The following MALRD1 variants were observed in gnomAD, a reference collection of about 807,000 sequenced individuals.
MALRD1 encodes the protein MAM and LDL receptor class A domain containing 1, also known as MAM and LDL-receptor class A domain-containing protein 1.
Under a neutral mutation model 242.1 loss-of-function variants are expected in MALRD1, and 247 were observed. The ratio of observed to expected loss-of-function variants is 1.02; its 90% CI spans 0.92 to 1.13. The LOEUF (loss-of-function observed/expected upper bound fraction) is 1.13, where lower values mean the gene tolerates loss of function less well. Among genes scored for constraint, MALRD1 ranks in the 50% most tolerant of loss-of-function variants. The pLI is 0.00. For synonymous variants in MALRD1, 995 were observed against 866.6 expected, an observed-to-expected ratio of 1.15 and a Z score of -2.60; for missense variants, 2,989 against 2,533.1, an observed-to-expected ratio of 1.18 and a Z score of -3.86.
intron 18 of MALRD1, among the ~76,000 whole-genome samples, chr10:19,250,393 A>G (rs1401659371): frequency 1.3e-5 from 2 of 151,970 alleles, no homozygotes; most frequent in East Asian, 3.9e-4. Flanking sequence ...AAAAACTGGG[A>G]ATAATTTCTC....
intron 5 of MALRD1, among the ~76,000 whole-genome samples, chr10:19,115,432 T>G (rs1836837851): frequency 6.6e-6 from 1 of 152,036 alleles, no homozygotes; most frequent in Admixed American, 6.6e-5. Context: ...TAAAAGCTTT[T>G]TTTTTTAAAA....
chr10:19,133,381 C>G (rs892602155), intron 8 of MALRD1, among the ~76,000 whole-genome samples: 25 of 152,032 alleles, frequency 1.6e-4, no homozygotes, highest in African/African-American at 6.0e-4. Flanking sequence ...CCAAATGTTT[C>G]CACAGGAAAA....
At chr10:19,203,246 TA>T (rs1213676160) in intron 14 of MALRD1, among the ~76,000 whole-genome samples, 1 of 152,202 alleles carries the variant, frequency 6.6e-6, no homozygotes, top group Admixed American at 6.5e-5. Flanking sequence ...TGTGAAATAT[TA>T]AGCTCTATGA....
rs1409584569 is a variant in MALRD1, at chr10:19,700,018, T to TTA, written c.6314+7465_6314+7466dup. Among the ~76,000 whole-genome samples the TTA allele has an allele frequency of 2.4e-3, 283 of 120,026 alleles. 3 individuals carry two copies. Among genetic ancestry groups the TTA allele is most frequent in the African/African-American group, 9.8e-3 (272 of 27,836 alleles). 78.7% of individuals were successfully genotyped at this position (120,026 alleles called of 152,430 possible). On this transcript the variant is annotated intron_variant, in intron 38 of 39. Coordinates refer to ENST00000454679, the MANE Select transcript of MALRD1 (RefSeq NM_001142308.3). ...TAGAAGGGTCCCAAGTGAAATTGAT[T>TTA]TAGACACACACACACACACACACAC...
At chr10:19,236,557 T>G (rs1838325015) in intron 18 of MALRD1, among the ~76,000 whole-genome samples, 1 of 152,176 alleles carries the variant, frequency 6.6e-6, no homozygotes, top group Non-Finnish European at 1.5e-5. Flanking sequence ...CTCATTCCTC[T>G]GCCTCTCACT....
At chr10:19,188,958 C>A (rs948676016) in intron 14 of MALRD1, among the ~76,000 whole-genome samples, 1 of 151,572 alleles carries the variant, frequency 6.6e-6, no homozygotes, top group Admixed American at 6.6e-5. Context: ...GATAATAAAG[C>A]AAATCAAAGA....
intron 12 of MALRD1, among the ~76,000 whole-genome samples, chr10:19,159,148 G>T (rs1834290265): frequency 6.6e-6 from 1 of 152,114 alleles, no homozygotes; most frequent in South Asian, 2.1e-4. Flanking sequence ...GCATAAGCTT[G>T]TTCAGGAAAA....
intron 19 of MALRD1, among the ~76,000 whole-genome samples, chr10:19,279,665 G>A (rs1225017434): frequency 6.6e-6 from 1 of 152,182 alleles, no homozygotes; most frequent in African/African-American, 2.4e-5. Flanking sequence ...AGCAGTGGAA[G>A]AACAAAGGTT....
At chr10:19,454,051 C>T (rs1490353124) in intron 29 of MALRD1, among the ~76,000 whole-genome samples, 3 of 151,988 alleles carry the variant, frequency 2.0e-5, no homozygotes, top group Admixed American at 6.6e-5. Context: ...CAGAGTCAGA[C>T]CCTGTCTCAA....
At chr10:19,272,766 G>A (rs879995539) in intron 19 of MALRD1, among the ~76,000 whole-genome samples, 6 of 152,116 alleles carry the variant, frequency 3.9e-5, no homozygotes, top group African/African-American at 1.4e-4. Flanking sequence ...CCCACTGTGA[G>A]TGAGAACATG....
chr10:19,713,893 C>G (rs140249406), intron 38 of MALRD1, among the ~76,000 whole-genome samples: 1 of 152,202 alleles, frequency 6.6e-6, no homozygotes, highest in Non-Finnish European at 1.5e-5. Flanking sequence ...GGAAAAGTCC[C>G]TTTATTGCTC....
rs964868201 is a variant in MALRD1, at chr10:19,695,190, T to A, written c.6314+2636T>A. Among the ~76,000 whole-genome samples, 4 of 152,156 alleles carry A rather than the reference T, an allele frequency of 2.6e-5. No individual in the cohort carries two copies. The East Asian group carries it at 7.7e-4, about 29-fold the overall frequency. On this transcript the variant is annotated intron_variant, in intron 38 of 39. Coordinates refer to ENST00000454679, the MANE Select transcript of MALRD1 (RefSeq NM_001142308.3). Reference sequence around the variant, plus strand: ...TACATATGTAAAAAACTGCACGTCATGCACATGTACCCTAGAACTTAAAGT... The same window carrying A: ...TACATATGTAAAAAACTGCACGTCAAGCACATGTACCCTAGAACTTAAAGT...
intron 5 of MALRD1, among the ~76,000 whole-genome samples, chr10:19,104,971 A>G (rs2131338666): frequency 6.6e-6 from 1 of 152,242 alleles, no homozygotes; most frequent in South Asian, 2.1e-4. Context: ...GTAATGATTA[A>G]ATCAGGGTAT....
chr10:19,264,161 A>G (rs1268845659), intron 19 of MALRD1, among the ~76,000 whole-genome samples: 5 of 152,112 alleles, frequency 3.3e-5, no homozygotes, highest in African/African-American at 7.2e-5. Context: ...AATATTGTCA[A>G]ATGCCTTTTC....
At chr10:19,094,363 G>A (rs375379430) in intron 4 of MALRD1, among the ~76,000 whole-genome samples, 4 of 128,772 alleles carry the variant, frequency 3.1e-5, no homozygotes, top group African/African-American at 6.4e-5. Context: ...TTCCAGGTGC[G>A]TCCGTCACCC....
At chr10:19,300,449 C>T (rs1358990531) in intron 21 of MALRD1, among the ~76,000 whole-genome samples, 1 of 151,694 alleles carries the variant, frequency 6.6e-6, no homozygotes, top group Non-Finnish European at 1.5e-5. Context: ...TCATACTACC[C>T]AATAAACTAT....
At chr10:19,704,028 G>A (rs1833742766) in intron 38 of MALRD1, among the ~76,000 whole-genome samples, 1 of 152,140 alleles carries the variant, frequency 6.6e-6, no homozygotes, top group African/African-American at 2.4e-5. Flanking sequence ...TTTGACTGGG[G>A]AAACATTTGC....
Position 19,515,870 on chromosome 10 carries a change from C to T in MALRD1, c.5321-15324C>T, listed in dbSNP as rs150495781. On this transcript the variant is annotated intron_variant, in intron 31 of 39. Coordinates refer to ENST00000454679, the MANE Select transcript of MALRD1 (RefSeq NM_001142308.3). ...GGCGTGAGCCACCGTGCATGGCCAA[C>T]TTTCTCTTCTTGCTGATAAGAACGT... Among the ~76,000 whole-genome samples the T allele has an allele frequency of 1.1e-4, 17 of 152,250 alleles. No individual in the cohort carries two copies. The East Asian group carries it at 3.3e-3, about 29-fold the overall frequency.
chr10:19,149,538 A>G (rs1588616741), intron 11 of MALRD1, among the ~76,000 whole-genome samples: 1 of 152,190 alleles, frequency 6.6e-6, no homozygotes, highest in Admixed American at 6.5e-5. Flanking sequence ...GTAGATACAT[A>G]CATATTCAAA....
Sources: allele counts gnomAD v4.1 joint callset (sites outside exome capture counted in the v4.1 genomes callset), GRCh38; gene constraint gnomAD v4.1.1; transcripts MANE v1.5; gene names NCBI Gene and HGNC (gene_info 2026-07-23, HGNC 2026-07-21).